Variants in NRF1 observed in about 807,000 individuals in gnomAD.
NRF1 encodes the protein alpha palindromic-binding protein.
NRF1 carries 5 observed loss-of-function variants against 58.5 expected under a neutral mutation model. The observed-to-expected ratio is 0.09, with a 90% confidence interval of 0.04 to 0.18. The LOEUF is 0.18. Among genes scored for constraint, NRF1 ranks in the 10% least tolerant of loss-of-function variants. NRF1 has a pLI of 1.00. For synonymous variants in NRF1, 224 were observed against 246.7 expected, an observed-to-expected ratio of 0.91 and a Z score of 0.86; for missense variants, 288 against 657.7, an observed-to-expected ratio of 0.44 and a Z score of 6.15.
chr7:129,675,644 G>A (rs1562967314), intron 3 of NRF1, among the ~76,000 whole-genome samples: 1 of 152,228 alleles, frequency 6.6e-6, no homozygotes, highest in Non-Finnish European at 1.5e-5. Context: ...CATTGTCAAT[G>A]TGCAACAATA....
intron 10 of NRF1, chr7:129,735,227 G>A (rs1431510025): frequency 2.0e-6 from 2 of 985,264 alleles, no homozygotes; most frequent in Admixed American, 1.2e-4. Context: ...AAATGGACTG[G>A]AGGGCTGTTT....
Position 129,611,727 on chromosome 7 carries a change from G to A in NRF1, c.-104G>A. ...GGCGGCGGCGGCGGCGGCAGAAGCG[G>A]CAGCGCTCGCCATTGCCGCTGGTGG... is the stretch of plus-strand genomic sequence containing the variant. On this transcript the variant is annotated 5_prime_UTR_variant, in exon 1 of 11. Coordinates refer to ENST00000393232, the MANE Select transcript of NRF1 (RefSeq NM_005011.5). 3 of 350,412 alleles carry A rather than the reference G, an allele frequency of 8.6e-6. No homozygotes were observed. Among genetic ancestry groups the A allele is most frequent in the Non-Finnish European group, 1.5e-5 (3 of 195,138 alleles). 21.7% of individuals were successfully genotyped at this position (350,412 alleles called of 1,614,324 possible). A position where few individuals can be genotyped will look rare whatever the true frequency, so the allele number is the denominator to read the frequency against.
chr7:129,748,274 C>CAG (rs1804028275), intron 10 of NRF1, among the ~76,000 whole-genome samples: 2 of 78,080 alleles, frequency 2.6e-5, no homozygotes, highest in African/African-American at 1.1e-4. Flanking sequence ...GACTCCGTCT[C>CAG]AAAAAAAAAA....
intron 1 of NRF1, among the ~76,000 whole-genome samples, chr7:129,628,694 G>A (rs946420178): frequency 6.6e-6 from 1 of 152,180 alleles, no homozygotes; most frequent in Non-Finnish European, 1.5e-5. Flanking sequence ...TATGTGGTTG[G>A]AAGAGTATTT....
chr7:129,680,582 C>T (rs1057090072), intron 4 of NRF1, among the ~76,000 whole-genome samples: 1 of 152,154 alleles, frequency 6.6e-6, no homozygotes, highest in African/African-American at 2.4e-5. Context: ...TAAAATGTGG[C>T]ATATCCATAG....
chr7:129,699,489 G>A (rs914562133), intron 5 of NRF1, among the ~76,000 whole-genome samples: 3 of 151,960 alleles, frequency 2.0e-5, no homozygotes, highest in Non-Finnish European at 4.4e-5. Context: ...CAAGGCAAGC[G>A]GATCACTTGA....
At chr7:129,656,587 G>GT (rs1441146245) in intron 1 of NRF1, among the ~76,000 whole-genome samples, 5 of 151,624 alleles carry the variant, frequency 3.3e-5, no homozygotes, top group African/African-American at 1.2e-4. Flanking sequence ...GTGTTTGTTT[G>GT]TTTTTGAGAC....
chr7:129,666,493 C>T (rs1801925537), intron 2 of NRF1, among the ~76,000 whole-genome samples: 1 of 152,146 alleles, frequency 6.6e-6, no homozygotes, highest in African/African-American at 2.4e-5. Flanking sequence ...CTGTTTTTAA[C>T]TGTTATATGG....
At chr7:129,754,325 T>C (rs1224384317) in intron 10 of NRF1, among the ~76,000 whole-genome samples, 2 of 150,156 alleles carry the variant, frequency 1.3e-5, no homozygotes, top group African/African-American at 4.9e-5. Flanking sequence ...TAGCCAGGCA[T>C]GGTGGCACAC....
At chr7:129,677,499 A>G (rs768420806) in intron 3 of NRF1, 133 bp from the exon 4 acceptor site, 120 of 765,864 alleles carry the variant, frequency 1.6e-4, no homozygotes, top group Admixed American at 2.7e-4. Context: ...AGCAAACCTC[A>G]CATTCCCCTT....
At chr7:129,701,214 A>G (rs1386339332) in intron 5 of NRF1, among the ~76,000 whole-genome samples, 1 of 152,188 alleles carries the variant, frequency 6.6e-6, no homozygotes, top group East Asian at 1.9e-4. Context: ...AAAAATAACC[A>G]GTAAATATAT....
chr7:129,753,723 G>C (rs916395749), intron 10 of NRF1, among the ~76,000 whole-genome samples: 1 of 33,126 alleles, frequency 3.0e-5, no homozygotes, highest in Non-Finnish European at 7.2e-5. Flanking sequence ...GAGTAGCTGG[G>C]GTCTTTTTTT....
At chr7:129,641,654 G>A (rs1801291009) in intron 1 of NRF1, 1 of 152,074 alleles carries the variant, frequency 6.6e-6, no homozygotes, top group African/African-American at 2.4e-5. Context: ...TTTGGTATGT[G>A]CTTAAAGACT....
intron 5 of NRF1, among the ~76,000 whole-genome samples, chr7:129,695,379 G>A (rs1316573703): frequency 1.3e-5 from 2 of 151,706 alleles, no homozygotes; most frequent in East Asian, 1.9e-4. Context: ...GAGTTCGAGA[G>A]CAGCCTGGCC....
At chr7:129,620,783 T>G (rs926206825) in intron 1 of NRF1, among the ~76,000 whole-genome samples, 1 of 152,260 alleles carries the variant, frequency 6.6e-6, no homozygotes, top group African/African-American at 2.4e-5. Context: ...CTGGCTCATC[T>G]GTCAGAAAAA....
At chr7:129,736,970 C>G (rs985825851) in intron 10 of NRF1, among the ~76,000 whole-genome samples, 49 of 152,306 alleles carry the variant, frequency 3.2e-4, no homozygotes, top group African/African-American at 1.2e-3. Flanking sequence ...AATGATAGTT[C>G]TGTACTCAGA....
chr7:129,724,079 T>C (rs1651496486), intron 9 of NRF1, among the ~76,000 whole-genome samples: 1 of 152,110 alleles, frequency 6.6e-6, no homozygotes, highest in South Asian at 2.1e-4. Context: ...AATGTGTGCA[T>C]CAAAAGACTA....
At position 129,741,018 on chromosome 7, in the gene NRF1, T is replaced by C. The variant is rs754198296; in HGVS notation, c.1348+13653T>C. On this transcript the variant is annotated intron_variant, in intron 10 of 10. Coordinates refer to ENST00000393232, the MANE Select transcript of NRF1 (RefSeq NM_005011.5). This position sits in a 1 kb window ranked among gnomAD's most constrained non-coding sequence, Gnocchi z 4.0. ...AAAGACTGGATACCTCTAGTCGACA[T>C]GTCAGGGCCCCAAAGGAATCAAGTC... 4.6e-5 allele frequency among the ~76,000 whole-genome samples: 7 copies of C among 152,222 alleles called. No homozygotes were observed. The highest frequency in any genetic ancestry group is 1.0e-4 in the Non-Finnish European group (7 of 68,040).
chr7:129,685,097 T>C (rs190756678), intron 4 of NRF1, among the ~76,000 whole-genome samples: 88 of 152,334 alleles, frequency 5.8e-4, no homozygotes, highest in Non-Finnish European at 1.1e-3. Context: ...TTTAGTCTCA[T>C]AGGAGCTTGT....
Sources: gnomAD v4.1 joint callset for allele counts (sites outside exome capture counted in the v4.1 genomes callset) on GRCh38, gnomAD v4.1.1 for gene constraint, Gnocchi (gnomAD v3.1) non-coding constraint, MANE v1.5 for transcripts, NCBI Gene and HGNC (gene_info 2026-07-23, HGNC 2026-07-21) for gene names.